SNX7: variants seen among roughly 807,000 people sequenced by gnomAD.
SNX7 encodes sorting nexin-7.
A neutral mutation model predicts 48.4 loss-of-function variants in SNX7; 35 were observed. The ratio of observed to expected loss-of-function variants is 0.72; its 90% CI spans 0.55 to 0.96. SNX7 has a LOEUF of 0.96. Among genes scored for constraint, SNX7 ranks in the 40% least tolerant of loss-of-function variants. The pLI, the probability that SNX7 is intolerant of heterozygous loss-of-function variation, is 0.00. For missense variants in SNX7, 553 were observed against 548.9 expected (o/e 1.01, Z -0.07); for synonymous variants, 190 against 190.2 (o/e 1.00, Z 0.01).
chr1:98,739,255 C>T (rs1653949513), intron 8 of SNX7, among the ~76,000 whole-genome samples: 1 of 152,086 alleles, frequency 6.6e-6, no homozygotes, highest in Non-Finnish European at 1.5e-5. Flanking sequence ...GGCAGTAATG[C>T]TCACCCGCCG....
chr1:98,686,420 C>G (rs928340110), intron 2 of SNX7, among the ~76,000 whole-genome samples: 1 of 152,134 alleles, frequency 6.6e-6, no homozygotes, highest in Admixed American at 6.6e-5. Flanking sequence ...AAGTGCCTAA[C>G]ACACGATAAG....
chr1:98,684,945 A>G lies in SNX7; in HGVS notation c.241A>G (p.Met81Val), dbSNP rs143653588. 2.4e-5 allele frequency: 39 copies of G among 1,598,632 alleles called. No homozygotes were observed. The African/African-American group carries it at 2.9e-4, about 12-fold the overall frequency. ...SPMMPTSPLS[M>V]INQIKFEDEP... is the part of the protein sequence containing the mutation. ...TATGATGCCAACATCCCCTTTATCAATGATAAACCAAATCAAGTTTGAGGA... is the reference window on the plus strand; with the variant it reads ...TATGATGCCAACATCCCCTTTATCAGTGATAAACCAAATCAAGTTTGAGGA... The change falls in exon 2 of 9, where the codon ATG becomes GTG. Residue 81 changes from methionine to valine, a missense_variant. Transcript: ENST00000306121.
At chr1:98,759,368 G>A (rs947784964) in intron 8 of SNX7, among the ~76,000 whole-genome samples, 8 of 151,948 alleles carry the variant, frequency 5.3e-5, no homozygotes, top group African/African-American at 1.9e-4. Flanking sequence ...TAGTCTATTA[G>A]GAGGATCATC....
At chr1:98,699,958 C>T (rs1449481956) in intron 6 of SNX7, among the ~76,000 whole-genome samples, 2 of 152,158 alleles carry the variant, frequency 1.3e-5, no homozygotes, top group African/African-American at 4.8e-5. Context: ...TGGCTACATC[C>T]TTTGGTTTCA....
intron 7 of SNX7, among the ~76,000 whole-genome samples, chr1:98,732,660 C>G (rs1253738458): frequency 6.6e-6 from 1 of 151,874 alleles, no homozygotes; most frequent in African/African-American, 2.4e-5. Context: ...TCTTTCACAT[C>G]GGTAAGTCAA....
chr1:98,679,858 GTGTC>G (rs1179796759), intron 1 of SNX7, among the ~76,000 whole-genome samples: 2 of 152,176 alleles, frequency 1.3e-5, no homozygotes, highest in African/African-American at 4.8e-5. Flanking sequence ...CTGGCATTGC[GTGTC>G]TGTCTGTGGC....
intron 4 of SNX7, among the ~76,000 whole-genome samples, chr1:98,694,267 G>A (rs1004462973): frequency 7.9e-5 from 12 of 151,828 alleles, no homozygotes; most frequent in African/African-American, 2.9e-4. Flanking sequence ...CTACTCAGGA[G>A]GCTGAGGCAG....
intron 5 of SNX7, among the ~76,000 whole-genome samples, chr1:98,697,248 T>C (rs1181932302): frequency 1.3e-5 from 2 of 152,104 alleles, no homozygotes; most frequent in Non-Finnish European, 2.9e-5. Context: ...ACAGAGGTGA[T>C]TAAATGTTCA....
intron 7 of SNX7, among the ~76,000 whole-genome samples, chr1:98,712,415 G>A (rs1231631872): frequency 6.6e-6 from 1 of 152,166 alleles, no homozygotes; most frequent in Non-Finnish European, 1.5e-5. Flanking sequence ...TGACATGAAG[G>A]CAGTATTAAT....
rs143525962 is a variant in SNX7, at chr1:98,754,215, C to T, written c.1279-5839C>T. ...AGTCTTGCCTTCGTGGGATAAACTC[C>T]ATTTGGTTATGATGCATAATTCTTT... is the stretch of plus-strand genomic sequence containing the variant. On this transcript the variant is annotated intron_variant, in intron 8 of 8. Coordinates refer to ENST00000306121, the MANE Select transcript of SNX7 (RefSeq NM_015976.5). Among the ~76,000 whole-genome samples the T allele has an allele frequency of 4.0e-3, 602 of 152,058 alleles. 1 individual carries two copies. Among genetic ancestry groups the T allele is most frequent in the Middle Eastern group, 0.017 (5 of 294 alleles).
chr1:98,706,421 G>A (rs1217170642), intron 7 of SNX7, among the ~76,000 whole-genome samples: 2 of 152,142 alleles, frequency 1.3e-5, no homozygotes, highest in Non-Finnish European at 2.9e-5. Context: ...GAAGACCAGT[G>A]TTGCAGAAAT....
rs987434429 is a variant in SNX7 at position 98,705,779 on chromosome 1, G to A, written c.1125+3876G>A. Among the ~76,000 whole-genome samples, 8 of 152,120 alleles carry A rather than the reference G, an allele frequency of 5.3e-5. No individual in the cohort carries two copies. The East Asian group carries it at 1.5e-3, about 29-fold the overall frequency. ...GGAAGGAGGCCTTATCTGTCAGGTT[G>A]AGAAATATGTACTTTATCCTTTGCT... On this transcript the variant is annotated intron_variant, in intron 7 of 8. Transcript: ENST00000306121.
intron 1 of SNX7, 59 bp downstream of exon 1, chr1:98,661,970 C>G (rs1649252721): frequency 8.1e-7 from 1 of 1,239,856 alleles, no homozygotes. Context: ...GCGTTGCCAG[C>G]ATTGCGCCGA....
intron 1 of SNX7, among the ~76,000 whole-genome samples, chr1:98,672,060 G>T (rs560345697): frequency 6.6e-6 from 1 of 152,116 alleles, no homozygotes; most frequent in African/African-American, 2.4e-5. Flanking sequence ...TGAGAAAAAT[G>T]TGCATGTGTA....
At chr1:98,714,535 G>C (rs1040741087) in intron 7 of SNX7, among the ~76,000 whole-genome samples, 4 of 152,096 alleles carry the variant, frequency 2.6e-5, no homozygotes, top group Non-Finnish European at 5.9e-5. Context: ...AATAAAACAG[G>C]GTAACATGAT....
intron 4 of SNX7, among the ~76,000 whole-genome samples, chr1:98,694,363 C>G (rs1437624748): frequency 6.8e-6 from 1 of 146,372 alleles, no homozygotes; most frequent in Non-Finnish European, 1.5e-5. Flanking sequence ...GAGCGAGACT[C>G]CGTCTCAAAA....
chr1:98,722,417 C>T (rs892796614), intron 7 of SNX7, among the ~76,000 whole-genome samples: 1 of 152,088 alleles, frequency 6.6e-6, no homozygotes, highest in Non-Finnish European at 1.5e-5. Flanking sequence ...GTTAAGAGCC[C>T]TCTTATCTTT....
intron 7 of SNX7, among the ~76,000 whole-genome samples, chr1:98,714,013 G>A (rs976283811): frequency 3.3e-5 from 5 of 152,160 alleles, no homozygotes; most frequent in Non-Finnish European, 7.4e-5. Flanking sequence ...TTGTCACAAA[G>A]CTTCAATTTG....
intron 8 of SNX7, among the ~76,000 whole-genome samples, chr1:98,745,017 A>T (rs1199447776): frequency 1.3e-5 from 2 of 152,004 alleles, no homozygotes; most frequent in Non-Finnish European, 2.9e-5. Context: ...TTCCAAAGTA[A>T]CCTCCTCTGT....
Sources: allele counts gnomAD v4.1 joint callset (sites outside exome capture counted in the v4.1 genomes callset), GRCh38; gene constraint gnomAD v4.1.1; transcripts MANE v1.5; gene names NCBI Gene and HGNC (gene_info 2026-07-23, HGNC 2026-07-21).